Variants in GCKR observed in about 807,000 individuals in gnomAD.
GCKR encodes the protein glucokinase regulator, also known as glucokinase regulatory protein.
Under a neutral mutation model 82.9 loss-of-function variants are expected in GCKR, and 73 were observed. The observed-to-expected ratio is 0.88, with a 90% CI of 0.73 to 1.07. The LOEUF is 1.07. GCKR is among the 50% of genes least tolerant of loss of function. The probability of loss-of-function intolerance (pLI) is 0.00; values close to 1 mark genes in which losing one functional copy is unlikely to be tolerated. For missense variants in GCKR, 784 were observed against 782.1 expected, an observed-to-expected ratio of 1.00 and a Z score of -0.03; for synonymous variants, 294 against 291.8, an observed-to-expected ratio of 1.01 and a Z score of -0.08.
chr2:27,508,077 G>A lies in GCKR; in HGVS notation c.1338+3G>A, dbSNP rs1669793706. 6.2e-7 allele frequency: 1 copy of A among 1,610,500 alleles called. No individual in the cohort carries two copies. The highest frequency in any genetic ancestry group is 1.6e-4 in the Middle Eastern group (1 of 6,078). On this transcript the variant is annotated splice_donor_region_variant and intron_variant, in intron 15 of 18. Coordinates refer to ENST00000264717, the MANE Select transcript of GCKR (RefSeq NM_001486.4). Reference sequence around the variant, plus strand: ...GCACCGTGGGTCAGACCTTGCTGGTGAGAGTCCAGCCGTGACAAAGGGACC... The same window carrying A: ...GCACCGTGGGTCAGACCTTGCTGGTAAGAGTCCAGCCGTGACAAAGGGACC...
At position 27,497,624 on chromosome 2, in the gene GCKR, G is replaced by A; in HGVS notation, c.279G>A (p.Val93=). Residue 93 remains valine, a synonymous_variant, in exon 3 of 19, where the codon GTG becomes GTA. Coordinates refer to ENST00000264717, the MANE Select transcript of GCKR (RefSeq NM_001486.4). Reference sequence around the variant, plus strand: ...AGGTGGCTGGGAAAGTTCAGGAAGTGCTGAAGGTACTAACCTTCCTTCTGT... The same window carrying A: ...AGGTGGCTGGGAAAGTTCAGGAAGTACTGAAGGTACTAACCTTCCTTCTGT... ...MVQVAGKVQE[V]LKEPDGGLVV... is the part of the protein sequence containing the mutation. 6.2e-7 allele frequency: 1 copy of A among 1,603,372 alleles called. No individual in the cohort carries two copies. The highest frequency in any genetic ancestry group is 1.1e-5 in the South Asian group (1 of 90,892).
At chr2:27,508,106 G>A in intron 15 of GCKR, 32 bp downstream of exon 15, 3 of 1,590,512 alleles carry the variant, frequency 1.9e-6, no homozygotes, top group Non-Finnish European at 2.6e-6. Flanking sequence ...AGGGACCCAG[G>A]TGGCAGTTGC....
chr2:27,515,694 G>A (rs1325748128), intron 16 of GCKR, among the ~76,000 whole-genome samples: 1 of 150,332 alleles, frequency 6.7e-6, no homozygotes, highest in Non-Finnish European at 1.5e-5. Flanking sequence ...TGTGTATGGG[G>A]TAAGGCATGA....
chr2:27,517,837 C>T (rs1171672726), intron 16 of GCKR, among the ~76,000 whole-genome samples: 1 of 152,166 alleles, frequency 6.6e-6, no homozygotes, highest in Non-Finnish European at 1.5e-5. Context: ...TCTCATTCAT[C>T]CAGGAGATAT....
chr2:27,516,085 A>C (rs1301099514), intron 16 of GCKR, among the ~76,000 whole-genome samples: 1 of 150,648 alleles, frequency 6.6e-6, no homozygotes, highest in Non-Finnish European at 1.5e-5. Context: ...CTCCAATATA[A>C]TTTTTTTAAG....
chr2:27,497,727 T>C (rs1669452324), intron 3 of GCKR, 97 bp downstream of exon 3: 2 of 787,782 alleles, frequency 2.5e-6, no homozygotes, highest in East Asian at 2.6e-5. Flanking sequence ...CTCATTCTCC[T>C]TTCTCCCTTT....
intron 4 of GCKR, 74 bp downstream of exon 4, chr2:27,498,397 T>C: frequency 8.5e-7 from 1 of 1,180,690 alleles, no homozygotes; most frequent in Non-Finnish European, 1.3e-6. Flanking sequence ...AAGATCATCA[T>C]AACTAAGCTC....
chr2:27,507,617 G>A (rs1473537147), intron 13 of GCKR, 64 bp from the exon 14 acceptor site: 18 of 881,054 alleles, frequency 2.0e-5, no homozygotes, highest in Non-Finnish European at 3.1e-5. Flanking sequence ...GCCCCCTTTA[G>A]TCCTCAAGTC....
At position 27,507,315 on chromosome 2, in the gene GCKR, G is replaced by A. The variant is rs202114889; in HGVS notation, c.1143+4G>A. The A allele has an allele frequency of 5.7e-5, 90 of 1,592,448 alleles. No individual in the cohort carries two copies. In the African/African-American group the frequency reaches 1.0e-3, roughly 18 times the overall value. ...GAAGGCTGAGCTCACCAACCAGGTCGGAGAAGAACAGGACTTGGGGAAGCT... is the reference window on the plus strand; with the variant it reads ...GAAGGCTGAGCTCACCAACCAGGTCAGAGAAGAACAGGACTTGGGGAAGCT... On this transcript the variant is annotated splice_donor_region_variant and intron_variant, in intron 13 of 18. Coordinates refer to ENST00000264717, the MANE Select transcript of GCKR (RefSeq NM_001486.4).
chr2:27,513,709 G>A (rs1429109876), intron 16 of GCKR, among the ~76,000 whole-genome samples: 2 of 151,936 alleles, frequency 1.3e-5, no homozygotes, highest in Admixed American at 1.3e-4. Flanking sequence ...GTTCATTCAA[G>A]CTGGTTCCTG....
chr2:27,517,562 GTC>G (rs1300383483), intron 16 of GCKR, among the ~76,000 whole-genome samples: 1 of 152,122 alleles, frequency 6.6e-6, no homozygotes, highest in Non-Finnish European at 1.5e-5. Flanking sequence ...CCTCCACCTG[GTC>G]TCTCTCTTGA....
intron 17 of GCKR, 83 bp downstream of exon 17, chr2:27,519,020 G>T (rs1670085050): frequency 2.3e-6 from 3 of 1,281,982 alleles, no homozygotes; most frequent in Admixed American, 3.4e-5. Flanking sequence ...TAGAGATATG[G>T]AAATGTGCAA....
chr2:27,515,765 A>T (rs12475764), intron 16 of GCKR, among the ~76,000 whole-genome samples: 6,015 of 106,856 alleles, frequency 0.056, 277 homozygotes, highest in Admixed American at 0.14. Context: ...ATATATATAT[A>T]TTTTTTTTTT....
chr2:27,522,340 C>T, intron 17 of GCKR, 120 bp from the exon 18 acceptor site: 2 of 964,346 alleles, frequency 2.1e-6, no homozygotes, highest in Admixed American at 3.6e-5. Context: ...CATCTACAGC[C>T]TCTATAGCCA....
rs768318156 is a variant in GCKR, at chr2:27,508,057, G to A, written c.1321G>A (p.Val441Met). The A allele has an allele frequency of 1.4e-5, 22 of 1,613,334 alleles. No homozygotes were observed. The highest frequency in any genetic ancestry group is 2.7e-5 in the African/African-American group (2 of 74,878). The change falls in exon 15 of 19, where the codon GTG (valine) becomes ATG (methionine). Residue 441 changes from valine (V) to methionine (M), a missense_variant. Val to Met is a conservative substitution (Grantham distance 21). Coordinates refer to ENST00000264717, the MANE Select transcript of GCKR (RefSeq NM_001486.4). The part of the protein sequence containing the change: ...NHIQALAHST[V>M]GQTLLIPLKK... ...CATCCAGGCCCTGGCACACAGCACC[G>A]TGGGTCAGACCTTGCTGGTGAGAGT...
At chr2:27,504,349 C>T (rs1669654826) in intron 9 of GCKR, among the ~76,000 whole-genome samples, 1 of 151,774 alleles carries the variant, frequency 6.6e-6, no homozygotes. Flanking sequence ...CTTCTTTTCT[C>T]AGTCACTACT....
intron 8 of GCKR, among the ~76,000 whole-genome samples, chr2:27,502,441 T>C (rs973227826): frequency 2.0e-5 from 3 of 152,324 alleles, no homozygotes; most frequent in Admixed American, 6.5e-5. Context: ...TACAGATTTT[T>C]GGGCTCCACT....
Position 27,518,948 on chromosome 2 carries a change from GA to G in GCKR, c.1572+12del. ...CTGGCCATGCTGCAGGTAGGGATAT[GA>G]TGGGGCAGGGTTGGGTGGGACCTGG... On this transcript the variant is annotated intron_variant, in intron 17 of 18. Coordinates refer to ENST00000264717, the MANE Select transcript of GCKR (RefSeq NM_001486.4). 1 of 1,019,762 alleles carries G rather than the reference GA, an allele frequency of 9.8e-7. No homozygotes were observed. Among genetic ancestry groups the G allele is most frequent in the Non-Finnish European group, 1.5e-6 (1 of 682,612 alleles). The allele number at this position is 1,019,762 out of a possible 1,614,324, so 63.2% of individuals were successfully genotyped here.
intron 16 of GCKR, 74 bp from the exon 17 acceptor site, chr2:27,518,714 T>C: frequency 8.2e-7 from 1 of 1,217,892 alleles, no homozygotes; most frequent in Non-Finnish European, 1.2e-6. Flanking sequence ...TCCTGTCTGA[T>C]AACAGGGCCC....
Sources: allele counts gnomAD v4.1 joint callset (sites outside exome capture counted in the v4.1 genomes callset), GRCh38; gene constraint gnomAD v4.1.1; transcripts MANE v1.5; gene names NCBI Gene and HGNC (gene_info 2026-07-23, HGNC 2026-07-21).